The following SCUBE2 variants were observed in gnomAD, a reference collection of about 807,000 sequenced individuals.
SCUBE2 encodes signal peptide, CUB domain and EGF like domain containing 2.
In SCUBE2, 114 loss-of-function variants were observed where a neutral mutation model predicts 125.9. The ratio of observed to expected loss-of-function variants is 0.91; its 90% confidence interval spans 0.78 to 1.06. The LOEUF (loss-of-function observed/expected upper bound fraction) is 1.06. Among genes scored for constraint, SCUBE2 ranks in the 50% least tolerant of loss-of-function variants. The probability of loss-of-function intolerance (pLI) is 0.00; values close to 1 mark genes in which losing one functional copy is unlikely to be tolerated. For missense variants in SCUBE2, 1,255 were observed against 1,301.8 expected (o/e 0.96, Z 0.55); for synonymous variants, 459 against 492.9 (o/e 0.93, Z 0.91).
At chr11:9,032,992 C>T (rs550521293) in intron 17 of SCUBE2, among the ~76,000 whole-genome samples, 2 of 152,124 alleles carry the variant, frequency 1.3e-5, no homozygotes, top group Non-Finnish European at 2.9e-5. Flanking sequence ...CTTCACTCTG[C>T]CGTGGCCATC....
intron 4 of SCUBE2, among the ~76,000 whole-genome samples, chr11:9,072,201 G>GT (rs1564841591): frequency 2.2e-5 from 3 of 139,396 alleles, no homozygotes; most frequent in Admixed American, 7.1e-5. Context: ...TTTTGTTTTG[G>GT]TTTGTTTTGT....
At chr11:9,056,041 AT>A in intron 9 of SCUBE2, 132 bp from the exon 10 acceptor site, 2 of 713,722 alleles carry the variant, frequency 2.8e-6, no homozygotes, top group South Asian at 1.7e-5. Flanking sequence ...TTATCTATCC[AT>A]TTTCCTCACT....
Position 9,047,618 on chromosome 11 carries a change from A to C in SCUBE2, c.1796-56T>G, listed in dbSNP as rs1167768726. 4.5e-6 allele frequency: 7 copies of C among 1,544,608 alleles called. No individual in the cohort carries two copies. In the South Asian group the frequency reaches 8.0e-5, roughly 18 times the overall value. On this transcript the variant is annotated intron_variant, in intron 15 of 22. Transcript: ENST00000649792. ...AGGAGATCAGGCTGCAGCGTGTGAC[A>C]ATGGCCAGATCAACTGCAGGCCCTA... is the stretch of plus-strand genomic sequence containing the variant.
chr11:9,064,265 G>C (rs938653817), intron 7 of SCUBE2, among the ~76,000 whole-genome samples: 6 of 152,082 alleles, frequency 3.9e-5, no homozygotes, highest in African/African-American at 9.7e-5. Context: ...CCAGGAGTTC[G>C]AGACCAGCCT....
intron 2 of SCUBE2, among the ~76,000 whole-genome samples, chr11:9,082,498 T>C (rs568954486): frequency 1.3e-5 from 2 of 152,332 alleles, no homozygotes; most frequent in African/African-American, 4.8e-5. Context: ...AATGAAAATT[T>C]ATGTCTATAC....
chr11:9,033,057 T>C (rs1041500717), intron 17 of SCUBE2, among the ~76,000 whole-genome samples: 1 of 152,088 alleles, frequency 6.6e-6, no homozygotes, highest in African/African-American at 2.4e-5. Context: ...AGAGTGTCAA[T>C]ACAGCCAGCC....
rs1031781073 is a variant in SCUBE2, at chr11:9,091,234, C to A, written c.133+162G>T. ...GGCCCCAGCGGTCGTGGCGCCTTGG[C>A]CCGGCCGGCGGGTGAGGTCCCGGGG... On this transcript the variant is annotated intron_variant, in intron 1 of 22. Coordinates refer to ENST00000649792, the MANE Select transcript of SCUBE2 (RefSeq NM_001367977.2). The surrounding 1 kb of genome is among the most constrained non-coding windows in gnomAD (Gnocchi z 8.5). 1.3e-5 allele frequency among the ~76,000 whole-genome samples: 2 copies of A among 152,104 alleles called. No individual in the cohort carries two copies. Among genetic ancestry groups the A allele is most frequent in the African/African-American group, 4.8e-5 (2 of 41,438 alleles).
At chr11:9,045,179 T>C (rs1373487482) in intron 16 of SCUBE2, among the ~76,000 whole-genome samples, 7 of 152,172 alleles carry the variant, frequency 4.6e-5, no homozygotes, top group Non-Finnish European at 2.9e-5. Flanking sequence ...TCAATAAATA[T>C]TTATTGAATG....
chr11:9,028,150 C>A (rs1486075807), intron 19 of SCUBE2, among the ~76,000 whole-genome samples: 1 of 152,080 alleles, frequency 6.6e-6, no homozygotes, highest in Non-Finnish European at 1.5e-5. Flanking sequence ...CTCCTGGGCT[C>A]AAGCCTCCCA....
intron 2 of SCUBE2, among the ~76,000 whole-genome samples, chr11:9,085,933 A>G (rs986655724): frequency 1.3e-5 from 2 of 151,800 alleles, no homozygotes; most frequent in Non-Finnish European, 2.9e-5. Context: ...CCTGGGCTCA[A>G]GTGATCCTCC....
intron 16 of SCUBE2, among the ~76,000 whole-genome samples, chr11:9,047,003 A>G (rs1174954446): frequency 8.6e-6 from 1 of 116,826 alleles, no homozygotes; most frequent in African/African-American, 3.2e-5. Context: ...GAGAAATCTA[A>G]TTACTGAAAT....
At chr11:9,047,832 A>C in intron 15 of SCUBE2, 111 bp downstream of exon 15, 1 of 1,289,608 alleles carries the variant, frequency 7.8e-7, no homozygotes, top group Non-Finnish European at 1.1e-6. Flanking sequence ...AAAACAGGAG[A>C]TACTTCAGTG....
intron 16 of SCUBE2, among the ~76,000 whole-genome samples, chr11:9,046,209 C>T (rs1004488717): frequency 2.6e-5 from 4 of 151,758 alleles, no homozygotes; most frequent in African/African-American, 7.3e-5. Context: ...GGGGTTTCAC[C>T]ATGCTGGCCA....
At chr11:9,034,287 C>T (rs1856577335) in intron 16 of SCUBE2, among the ~76,000 whole-genome samples, 1 of 152,018 alleles carries the variant, frequency 6.6e-6, no homozygotes, top group African/African-American at 2.4e-5. Context: ...ATAGGATCTT[C>T]GCAGTTGGGA....
rs961011919 is a variant in SCUBE2 at position 9,082,598 on chromosome 11, CA to C, written c.257-3090del. ...AAATGCCTATTAACTGATAAATGGG[CA>C]AAAAAAATGGTATATTCATACAATG... On this transcript the variant is annotated intron_variant, in intron 2 of 22. Coordinates refer to ENST00000649792, the MANE Select transcript of SCUBE2 (RefSeq NM_001367977.2). Among the ~76,000 whole-genome samples, 346 of 150,826 alleles carry C rather than the reference CA, an allele frequency of 2.3e-3. 1 individual carries two copies. The highest frequency in any genetic ancestry group is 8.1e-3 in the African/African-American group (332 of 41,136).
At chr11:9,042,074 G>T (rs1260390329) in intron 16 of SCUBE2, among the ~76,000 whole-genome samples, 1 of 152,110 alleles carries the variant, frequency 6.6e-6, no homozygotes, top group Non-Finnish European at 1.5e-5. Flanking sequence ...AAGAGAAGAA[G>T]TTGTTTCGCT....
chr11:9,079,617 T>A, intron 2 of SCUBE2, 108 bp from the exon 3 acceptor site: 1 of 1,157,280 alleles, frequency 8.6e-7, no homozygotes, highest in Non-Finnish European at 1.2e-6. Flanking sequence ...TGAAAATACA[T>A]CCCTAACAAT....
At chr11:9,055,682 C>T (rs372463928) in intron 10 of SCUBE2, 111 bp downstream of exon 10, 2 of 780,916 alleles carry the variant, frequency 2.6e-6, no homozygotes. Flanking sequence ...TCAGGGACTG[C>T]AATGTACCTT....
At chr11:9,073,631 C>A (rs1860988340) in intron 4 of SCUBE2, among the ~76,000 whole-genome samples, 2 of 152,024 alleles carry the variant, frequency 1.3e-5, no homozygotes, top group African/African-American at 4.8e-5. Flanking sequence ...CAGCACATGG[C>A]CAAAGGGGTT....
Sources: gnomAD v4.1 joint callset for allele counts (sites outside exome capture counted in the v4.1 genomes callset) on GRCh38, gnomAD v4.1.1 for gene constraint, Gnocchi (gnomAD v3.1) non-coding constraint, MANE v1.5 for transcripts, NCBI Gene and HGNC (gene_info 2026-07-23, HGNC 2026-07-21) for gene names.